Variants in GRIP2 observed in about 807,000 individuals in gnomAD.
GRIP2 encodes glutamate receptor interacting protein 2.
A neutral mutation model predicts 108.3 loss-of-function variants in GRIP2; 58 were observed. The ratio of observed to expected loss-of-function variants is 0.54; its 90% CI spans 0.43 to 0.67. The LOEUF (loss-of-function observed/expected upper bound fraction) is 0.67. GRIP2 is among the 30% of genes least tolerant of loss of function. The probability of loss-of-function intolerance (pLI) is 0.00; values close to 1 mark genes in which losing one functional copy is unlikely to be tolerated. For synonymous variants in GRIP2, 586 were observed against 598.2 expected (o/e 0.98, Z 0.30); for missense variants, 1,278 against 1,430.6 (o/e 0.89, Z 1.72).
the GRIP2 span, among the ~76,000 whole-genome samples, chr3:14,585,965 A>G: frequency 9.8e-5 from 15 of 152,296 alleles, no homozygotes; most frequent in African/African-American, 3.6e-4. Flanking sequence ...GAAGAAACCC[A>G]AATTCCTTCC....
At chr3:14,541,954 C>A (rs1259677731), upstream of GRIP2, 1 of 1,349,260 alleles carries the variant, frequency 7.4e-7, no homozygotes, top group Non-Finnish European at 9.9e-7. Flanking sequence ...GCACAGAGGC[C>A]ACTCTGGAGC....
rs1694426199 is a variant in GRIP2, at chr3:14,522,014, G to A, written c.567-227C>T. On this transcript the variant is annotated intron_variant, in intron 6 of 23. Transcript: ENST00000621039. The surrounding 1 kb of genome is among the most constrained non-coding windows in gnomAD (Gnocchi z 4.3). ...GGGGGGGATGAAGACAGGATGGGGT[G>A]GCTCTGCCGCCTGCCACTCCTCTGG... The A allele has an allele frequency of 3.8e-6, 2 of 531,188 alleles. No homozygotes were observed. The highest frequency in any genetic ancestry group is 4.8e-4 in the Middle Eastern group (1 of 2,084). 32.9% of individuals were successfully genotyped at this position (531,188 alleles called of 1,614,324 possible).
chr3:14,565,822 G>A, the GRIP2 span, among the ~76,000 whole-genome samples: 112 of 152,322 alleles, frequency 7.4e-4, no homozygotes, highest in Admixed American at 2.2e-3. Flanking sequence ...CACACAGAGG[G>A]GCGCTGGAGC....
intron 9 of GRIP2, among the ~76,000 whole-genome samples, chr3:14,518,442 C>A (rs1389407235): frequency 1.3e-5 from 2 of 152,248 alleles, no homozygotes; most frequent in South Asian, 2.1e-4. Flanking sequence ...TGAAGTGCAC[C>A]ACGGGCTGAG....
chr3:14,561,967 G>A, the GRIP2 span, among the ~76,000 whole-genome samples: 11 of 152,226 alleles, frequency 7.2e-5, no homozygotes, highest in African/African-American at 1.9e-4. Flanking sequence ...TGTGCCAAGC[G>A]TGGAGGTACA....
In GRIP2 at chr3:14,505,183, T is replaced by C. The variant is rs1693883677; in HGVS notation, c.2573+432A>G. On this transcript the variant is annotated intron_variant, in intron 20 of 23. Transcript: ENST00000621039. This position sits in a 1 kb window ranked among gnomAD's most constrained non-coding sequence, Gnocchi z 4.2. ...TGGGCCAGATGAGGAACAGCATTTCTCCACAGCCTGCTCTCTGCAGGAGCC... is the reference window on the plus strand; with the variant it reads ...TGGGCCAGATGAGGAACAGCATTTCCCCACAGCCTGCTCTCTGCAGGAGCC... Among the ~76,000 whole-genome samples, 1 of 152,144 alleles carries C rather than the reference T, an allele frequency of 6.6e-6. No homozygotes were observed. Among genetic ancestry groups the C allele is most frequent in the African/African-American group, 2.4e-5 (1 of 41,436 alleles).
At chr3:14,534,526 G>GT (rs61276571) in intron 1 of GRIP2, among the ~76,000 whole-genome samples, 38 of 148,826 alleles carry the variant, frequency 2.6e-4, no homozygotes, top group South Asian at 6.4e-4. Context: ...TTTTATCCAT[G>GT]TTTTTTTTTT....
At chr3:14,579,570 A>C in the GRIP2 span, among the ~76,000 whole-genome samples, 1 of 151,872 alleles carries the variant, frequency 6.6e-6, no homozygotes, top group African/African-American at 2.4e-5. Context: ...TGGTACTGAA[A>C]ACAGCAACCA....
At chr3:14,588,727 C>G in the GRIP2 span, among the ~76,000 whole-genome samples, 11 of 152,208 alleles carry the variant, frequency 7.2e-5, no homozygotes, top group African/African-American at 2.7e-4. Flanking sequence ...TGGGAGAATT[C>G]ATTTTTCACC....
chr3:14,500,542 C>T (rs1693737341), intron 21 of GRIP2, among the ~76,000 whole-genome samples: 2 of 152,136 alleles, frequency 1.3e-5, no homozygotes, highest in South Asian at 2.1e-4. Flanking sequence ...ACAGGAGCAA[C>T]GATCATTGCC....
At chr3:14,542,149 T>C, upstream of GRIP2, 5 of 988,862 alleles carry the variant, frequency 5.1e-6, no homozygotes, top group Non-Finnish European at 6.7e-6. Context: ...TCTTTTTATT[T>C]TTTATTTTTT....
At chr3:14,548,447 G>C (rs1169252014) in intron 1 of GRIP2, among the ~76,000 whole-genome samples, 1 of 152,156 alleles carries the variant, frequency 6.6e-6, no homozygotes, top group Admixed American at 6.5e-5. Flanking sequence ...TGGAGTTGAT[G>C]CAGCGACTCC....
the GRIP2 span, among the ~76,000 whole-genome samples, chr3:14,579,565 C>T: frequency 3.9e-5 from 6 of 152,098 alleles, no homozygotes; most frequent in African/African-American, 1.4e-4. Context: ...ATGGCTGGTA[C>T]TGAAAACAGC....
At position 14,521,634 on chromosome 3, in the gene GRIP2, C is replaced by G; in HGVS notation, c.712+8G>C. The G allele has an allele frequency of 6.2e-7, 1 of 1,600,974 alleles. No individual in the cohort carries two copies. The highest frequency in any genetic ancestry group is 1.7e-4 in the Middle Eastern group (1 of 6,022). On this transcript the variant is annotated splice_region_variant and intron_variant, in intron 7 of 23. Transcript: ENST00000621039. The surrounding 1 kb of genome is among the most constrained non-coding windows in gnomAD (Gnocchi z 5.1). ...GCCCCAACCCACACACTCAGGCCCC[C>G]AACTCACCAGGGGTGGCCACATCAT...
In GRIP2 at chr3:14,521,790, G is replaced by A. The variant is rs375161366; in HGVS notation, c.567-3C>T. ...CGCCCACCTTCAGGGAGCCCTCCCTGTAGGGAAGGGCCAGTCACCAGCCTG... is the reference window on the plus strand; with the variant it reads ...CGCCCACCTTCAGGGAGCCCTCCCTATAGGGAAGGGCCAGTCACCAGCCTG... On this transcript the variant is annotated splice_region_variant and splice_polypyrimidine_tract_variant and intron_variant, in intron 6 of 23. Transcript: ENST00000621039. The surrounding 1 kb of genome is among the most constrained non-coding windows in gnomAD (Gnocchi z 5.1). The A allele has an allele frequency of 1.9e-6, 3 of 1,590,296 alleles. No individual in the cohort carries two copies. Among genetic ancestry groups the A allele is most frequent in the Non-Finnish European group, 8.6e-7 (1 of 1,168,984 alleles).
chr3:14,542,226 A>T (rs981645817), upstream of GRIP2: 2 of 395,542 alleles, frequency 5.1e-6, no homozygotes, highest in Non-Finnish European at 4.5e-6. Flanking sequence ...CGCAGTCTCC[A>T]CTCACTGCAA....
the GRIP2 span, among the ~76,000 whole-genome samples, chr3:14,590,147 T>C: frequency 6.6e-6 from 1 of 152,204 alleles, no homozygotes; most frequent in African/African-American, 2.4e-5. Flanking sequence ...GTGGCTTTTA[T>C]GAGTGTTTTC....
At chr3:14,548,207 C>A (rs1695085946) in intron 1 of GRIP2, among the ~76,000 whole-genome samples, 2 of 152,200 alleles carry the variant, frequency 1.3e-5, no homozygotes, top group African/African-American at 2.4e-5. Flanking sequence ...CCAAAAGGGG[C>A]CCTAAAGAGC....
Position 14,540,152 on chromosome 3 carries a change from T to G in GRIP2, c.40+117A>C. The G allele has an allele frequency of 2.3e-6, 3 of 1,311,532 alleles. No individual in the cohort carries two copies. The highest frequency in any genetic ancestry group is 3.1e-6 in the Non-Finnish European group (3 of 953,972). The allele number at this position is 1,311,532 out of a possible 1,614,324, so 81.2% of individuals were successfully genotyped here. On this transcript the variant is annotated intron_variant, in intron 1 of 23. Coordinates refer to ENST00000621039, the MANE Select transcript of GRIP2 (RefSeq NM_001080423.4). This position sits in a 1 kb window ranked among gnomAD's most constrained non-coding sequence, Gnocchi z 4.1. ...CCCCACCCTCCCCAAGCCCTGGGTC[T>G]CCAGGGAGTGGCAGTCCCAGGTCTC...
Sources: gnomAD v4.1 joint callset for allele counts (sites outside exome capture counted in the v4.1 genomes callset) on GRCh38, gnomAD v4.1.1 for gene constraint, Gnocchi (gnomAD v3.1) non-coding constraint, MANE v1.5 for transcripts, NCBI Gene and HGNC (gene_info 2026-07-23, HGNC 2026-07-21) for gene names.